ZNF567: variants seen among roughly 807,000 people sequenced by gnomAD.
The protein encoded by ZNF567 is zinc finger protein 567.
A neutral mutation model predicts 53.9 loss-of-function variants in ZNF567; 36 were observed. The ratio of observed to expected loss-of-function variants is 0.67; its 90% CI spans 0.51 to 0.88. The LOEUF is 0.88. Ranked by LOEUF, ZNF567 falls within the 40% of genes least tolerant of loss-of-function variation. The pLI, the probability that ZNF567 is intolerant of heterozygous loss-of-function variation, is 0.00. For missense variants in ZNF567, 619 were observed against 764.7 expected (o/e 0.81, Z 2.25); for synonymous variants, 224 against 260.4 (o/e 0.86, Z 1.35).
At chr19:36,667,974 C>T in the ZNF567 span, 1 of 152,070 alleles carries the variant, frequency 6.6e-6, no homozygotes, top group African/African-American at 2.4e-5. Flanking sequence ...TCTTCATGCC[C>T]TGTTGCCCAG....
intron 1 of ZNF567, among the ~76,000 whole-genome samples, chr19:36,688,682 C>CT (rs2038405629): frequency 6.6e-6 from 1 of 151,720 alleles, no homozygotes; most frequent in African/African-American, 2.4e-5. Context: ...TGGCGGGCGC[C>CT]TGTAGTCCCA....
rs1473975329 is a variant in ZNF567 at position 36,721,207 on chromosome 19, C to T, written c.*539C>T. ...AAGATCTGTACATTATTGCATGTGG[C>T]AGTAGTGTATTTTCATTTTGCATAC... On this transcript the variant is annotated 3_prime_UTR_variant, in exon 6 of 6. Coordinates refer to ENST00000682579, the MANE Select transcript of ZNF567 (RefSeq NM_001322917.1). 2.0e-5 allele frequency: 3 copies of T among 152,040 alleles called. No individual in the cohort carries two copies. Among genetic ancestry groups the T allele is most frequent in the African/African-American group, 7.2e-5 (3 of 41,394 alleles). 9.4% of individuals were successfully genotyped at this position (152,040 alleles called of 1,614,324 possible).
At chr19:36,676,012 C>G in the ZNF567 span, among the ~76,000 whole-genome samples, 28,777 of 146,162 alleles carry the variant, frequency 0.2, 2,924 homozygotes, top group Middle Eastern at 0.25. Context: ...TAGCCACTGT[C>G]AGCATGTTTT....
At chr19:36,675,149 T>C in the ZNF567 span, among the ~76,000 whole-genome samples, 3 of 152,290 alleles carry the variant, frequency 2.0e-5, no homozygotes, top group Admixed American at 1.3e-4. Context: ...GCAAAGAAAA[T>C]AGCAAGTATA....
chr19:36,714,943 A>T (rs2039968725), intron 5 of ZNF567, among the ~76,000 whole-genome samples: 1 of 152,064 alleles, frequency 6.6e-6, no homozygotes, highest in Admixed American at 6.6e-5. Flanking sequence ...CCCTCACATG[A>T]TCTACCTTTC....
At chr19:36,718,358 G>A (rs2040158520) in intron 5 of ZNF567, among the ~76,000 whole-genome samples, 1 of 152,074 alleles carries the variant, frequency 6.6e-6, no homozygotes, top group South Asian at 2.1e-4. Context: ...AATTAGCTAG[G>A]CGTGGTGGCA....
the ZNF567 span, among the ~76,000 whole-genome samples, chr19:36,667,750 C>T: frequency 6.7e-6 from 1 of 150,214 alleles, no homozygotes; most frequent in African/African-American, 2.4e-5. Context: ...CCCGGGTTCA[C>T]GCCATTCTCC....
chr19:36,722,216 G>A (rs1432538200), downstream of ZNF567, among the ~76,000 whole-genome samples: 2 of 152,144 alleles, frequency 1.3e-5, no homozygotes, highest in African/African-American at 4.8e-5. Context: ...CAGCATTATT[G>A]CAGGTCCTTC....
Position 36,700,391 on chromosome 19 carries a change from G to A in ZNF567, c.9+5515G>A, listed in dbSNP as rs1195157409. 3.3e-5 allele frequency among the ~76,000 whole-genome samples: 5 copies of A among 150,522 alleles called. No homozygotes were observed. In the East Asian group the frequency reaches 9.8e-4, roughly 29 times the overall value. ...ATATTGGTCTAAAATTCTCTTTTTT[G>A]GTTTTGTCTCTGCCCGGCTTTGGTA... On this transcript the variant is annotated intron_variant, in intron 3 of 5. Transcript: ENST00000682579.
At chr19:36,714,389 C>T (rs1219959834) in intron 5 of ZNF567, 2 of 392,624 alleles carry the variant, frequency 5.1e-6, no homozygotes, top group Non-Finnish European at 9.0e-6. Flanking sequence ...GTCTCAAACT[C>T]CTGACCTTGT....
At chr19:36,697,061 T>C (rs2038924158) in intron 3 of ZNF567, among the ~76,000 whole-genome samples, 1 of 152,222 alleles carries the variant, frequency 6.6e-6, no homozygotes, top group African/African-American at 2.4e-5. Flanking sequence ...AAGAAAATGT[T>C]AAAATGCTTA....
At chr19:36,718,456 G>T (rs547874824) in intron 5 of ZNF567, among the ~76,000 whole-genome samples, 3 of 152,034 alleles carry the variant, frequency 2.0e-5, no homozygotes, top group African/African-American at 7.2e-5. Context: ...CCGAGATCAC[G>T]CCACTGCACT....
intron 5 of ZNF567, chr19:36,714,276 C>T (rs3108576): frequency 0.64 from 200,746 of 315,082 alleles, 64,495 homozygotes; most frequent in East Asian, 0.81. Flanking sequence ...ATTCTCCTGC[C>T]TCAGCCTCCT....
At chr19:36,667,598 A>AAACAAC in the ZNF567 span, among the ~76,000 whole-genome samples, 70 of 150,116 alleles carry the variant, frequency 4.7e-4, 1 homozygote, top group African/African-American at 7.3e-4. Flanking sequence ...AAGAAAAAAC[A>AAACAAC]AACAACAACA....
At chr19:36,700,159 T>C (rs2039101072) in intron 3 of ZNF567, among the ~76,000 whole-genome samples, 1 of 145,878 alleles carries the variant, frequency 6.9e-6, no homozygotes, top group Non-Finnish European at 1.5e-5. Context: ...TCAAAGGCCT[T>C]TTCTGCATCT....
At chr19:36,721,703 A>G (rs958044551), downstream of ZNF567, among the ~76,000 whole-genome samples, 1 of 149,378 alleles carries the variant, frequency 6.7e-6, no homozygotes, top group Non-Finnish European at 1.5e-5. Flanking sequence ...GAAGGGAAAT[A>G]GGTGAGGAAA....
chr19:36,694,157 G>A (rs1013013233), intron 2 of ZNF567, among the ~76,000 whole-genome samples: 7 of 152,174 alleles, frequency 4.6e-5, no homozygotes, highest in African/African-American at 1.7e-4. Flanking sequence ...CTGTACTCCA[G>A]CCTGGATGGC....
chr19:36,718,475 G>A (rs1018389972), intron 5 of ZNF567, among the ~76,000 whole-genome samples: 2 of 151,950 alleles, frequency 1.3e-5, no homozygotes, highest in African/African-American at 2.4e-5. Flanking sequence ...CTCCAGCCTG[G>A]GTGACAAAGC....
chr19:36,721,746 T>TTTTC (rs2040304859), downstream of ZNF567, among the ~76,000 whole-genome samples: 8 of 130,192 alleles, frequency 6.1e-5, no homozygotes, highest in African/African-American at 2.9e-4. Flanking sequence ...TTTTTTTTCT[T>TTTTC]TTTTTTTTTT....
Sources: allele counts gnomAD v4.1 joint callset (sites outside exome capture counted in the v4.1 genomes callset), GRCh38; gene constraint gnomAD v4.1.1; transcripts MANE v1.5; gene names NCBI Gene and HGNC (gene_info 2026-07-23, HGNC 2026-07-21).